The following PKP2 variants were observed in gnomAD, a reference collection of about 807,000 sequenced individuals.
The protein encoded by PKP2 is plakophilin 2.
A neutral mutation model predicts 83.4 loss-of-function variants in PKP2; 73 were observed. The observed-to-expected ratio is 0.88, with a 90% CI of 0.72 to 1.06. The LOEUF (loss-of-function observed/expected upper bound fraction) is 1.06, where lower values mean the gene tolerates loss of function less well. Ranked by LOEUF, PKP2 falls within the 50% of genes least tolerant of loss-of-function variation. The probability of loss-of-function intolerance (pLI) is 0.00; values close to 1 mark genes in which losing one functional copy is unlikely to be tolerated. For synonymous variants in PKP2, 409 were observed against 430.4 expected (o/e 0.95, Z 0.62); for missense variants, 966 against 1,065.4 (o/e 0.91, Z 1.30).
At chr12:32,811,633 C>T (rs968469831) in intron 9 of PKP2, among the ~76,000 whole-genome samples, 1 of 152,160 alleles carries the variant, frequency 6.6e-6, no homozygotes, top group Non-Finnish European at 1.5e-5. Context: ...TGGACAGATC[C>T]GCACTTTCAA....
chr12:32,823,287 T>C (rs1823924), intron 7 of PKP2, among the ~76,000 whole-genome samples: 122,095 of 151,888 alleles, frequency 0.8, 49,282 homozygotes, highest in East Asian at 0.85. Flanking sequence ...CATGGTGGCG[T>C]ACACCTGTAA....
intron 4 of PKP2, among the ~76,000 whole-genome samples, chr12:32,861,186 G>T (rs1956794803): frequency 1.3e-5 from 2 of 152,064 alleles, no homozygotes; most frequent in Admixed American, 1.3e-4. Flanking sequence ...AATAAAAACT[G>T]CCAGGCATGC....
At chr12:32,880,877 TTAAC>T (rs1956980054) in intron 1 of PKP2, among the ~76,000 whole-genome samples, 1 of 152,204 alleles carries the variant, frequency 6.6e-6, no homozygotes, top group Non-Finnish European at 1.5e-5. Flanking sequence ...TTTCTTACAT[TTAAC>T]TGAAATTTTT....
intron 4 of PKP2, among the ~76,000 whole-genome samples, chr12:32,851,877 T>C (rs913622117): frequency 1.1e-4 from 15 of 133,984 alleles, no homozygotes; most frequent in Non-Finnish European, 2.2e-4. Flanking sequence ...AAATGTGTTA[T>C]TTAAAAAATA....
chr12:32,791,154 T>C lies in PKP2; in HGVS notation c.*1270A>G, dbSNP rs1189418923. 1.3e-5 allele frequency: 2 copies of C among 152,236 alleles called. No individual in the cohort carries two copies. Among genetic ancestry groups the C allele is most frequent in the African/African-American group, 4.8e-5 (2 of 41,460 alleles). 9.4% of individuals were successfully genotyped at this position (152,236 alleles called of 1,614,324 possible). On this transcript the variant is annotated 3_prime_UTR_variant, in exon 13 of 13. Coordinates refer to ENST00000340811, the MANE Select transcript of PKP2 (RefSeq NM_001005242.3). ...GAATAGTAGTTGTAAAGACTAACTC[T>C]ATATGAATGGTTTTAATCATAGCGC... is the stretch of plus-strand genomic sequence containing the variant.
In PKP2 at chr12:32,877,909, G is replaced by C. The variant is rs529523595; in HGVS notation, c.971C>G (p.Ala324Gly). The C allele has an allele frequency of 3.1e-6, 5 of 1,614,102 alleles. No homozygotes were observed. The South Asian group carries it at 5.5e-5, about 18-fold the overall frequency. ...GRRAHLTVGQ[A>G]AAGGSGNLLT... ...CAGATTCCCACTTCCCCCTGCGGCC[G>C]CCTGGCCGACAGTCAAGTGCGCTCT... is the stretch of plus-strand genomic sequence containing the variant. Residue 324 changes from alanine to glycine, a missense_variant, in exon 3 of 13, where the codon GCG (alanine) becomes GGG (glycine). Ala to Gly is a moderately conservative substitution (Grantham distance 60). Coordinates refer to ENST00000340811, the MANE Select transcript of PKP2 (RefSeq NM_001005242.3).
At chr12:32,822,427 T>G (rs1956389033) in intron 8 of PKP2, 40 bp downstream of exon 8, 1 of 1,551,918 alleles carries the variant, frequency 6.4e-7, no homozygotes, top group Non-Finnish European at 8.9e-7. Context: ...TCTCTCTCAT[T>G]CTCTCCCTTT....
intron 6 of PKP2, chr12:32,824,482 CAA>C: frequency 2.8e-6 from 1 of 360,198 alleles, no homozygotes; most frequent in Non-Finnish European, 5.3e-6. Flanking sequence ...GCAACTAGAA[CAA>C]GAGCAAATGG....
At chr12:32,812,588 T>G (rs1456655821) in intron 9 of PKP2, among the ~76,000 whole-genome samples, 1 of 152,072 alleles carries the variant, frequency 6.6e-6, no homozygotes, top group Non-Finnish European at 1.5e-5. Flanking sequence ...CTGCAACCTC[T>G]GCCTCCTGGG....
chr12:32,876,258 G>A (rs892473640), intron 3 of PKP2, among the ~76,000 whole-genome samples: 1 of 152,180 alleles, frequency 6.6e-6, no homozygotes. Flanking sequence ...GACTGTTTAG[G>A]TGGAATGGAG....
rs1565581719 is a variant in PKP2, at chr12:32,824,141, A to G, written c.1578T>C (p.Ala526=). The G allele has an allele frequency of 2.5e-6, 4 of 1,612,398 alleles. No individual in the cohort carries two copies. The highest frequency in any genetic ancestry group is 3.4e-6 in the Non-Finnish European group (4 of 1,178,838). ...ATCTTCTCATCGCTTTTCTCCCATC[A>G]GCGCCAGCAGAACTCATGTTTCTAT... ...GCLRNMSSAG[A]DGRKAMRRCD... Residue 526 remains alanine, a synonymous_variant, in exon 7 of 13, where the codon GCT becomes GCC. Coordinates refer to ENST00000340811, the MANE Select transcript of PKP2 (RefSeq NM_001005242.3).
At chr12:32,842,414 T>G (rs1382258912) in intron 5 of PKP2, among the ~76,000 whole-genome samples, 1 of 152,012 alleles carries the variant, frequency 6.6e-6, no homozygotes, top group Non-Finnish European at 1.5e-5. Flanking sequence ...GACTAATTTT[T>G]GTATTTTCGG....
intron 9 of PKP2, among the ~76,000 whole-genome samples, chr12:32,818,502 A>G (rs887253173): frequency 6.6e-6 from 1 of 152,340 alleles, no homozygotes; most frequent in Non-Finnish European, 1.5e-5. Flanking sequence ...CTTTATTTCA[A>G]TGACTTTTAA....
At chr12:32,809,358 C>T (rs1266906309) in intron 9 of PKP2, among the ~76,000 whole-genome samples, 2 of 152,212 alleles carry the variant, frequency 1.3e-5, no homozygotes, top group African/African-American at 4.8e-5. Flanking sequence ...CTGGACCACC[C>T]AGACTCTCTG....
intron 1 of PKP2, among the ~76,000 whole-genome samples, chr12:32,895,980 G>A (rs1195936231): frequency 6.6e-6 from 1 of 152,184 alleles, no homozygotes; most frequent in Non-Finnish European, 1.5e-5. Context: ...AGGGTGGAGC[G>A]CCCCGAAGTA....
intron 4 of PKP2, among the ~76,000 whole-genome samples, chr12:32,856,848 T>C (rs1489735158): frequency 6.6e-6 from 1 of 152,192 alleles, no homozygotes; most frequent in East Asian, 1.9e-4. Context: ...CAGGGAACAA[T>C]TTGCCCGGAG....
At chr12:32,876,181 A>G (rs1258220149) in intron 3 of PKP2, among the ~76,000 whole-genome samples, 1 of 152,180 alleles carries the variant, frequency 6.6e-6, no homozygotes, top group Non-Finnish European at 1.5e-5. Context: ...AGCAGTGCTT[A>G]TATTACTCAA....
At chr12:32,885,605 G>A (rs900089854) in intron 1 of PKP2, among the ~76,000 whole-genome samples, 9 of 152,108 alleles carry the variant, frequency 5.9e-5, no homozygotes, top group Admixed American at 4.6e-4. Context: ...CAGAGGTTGC[G>A]GTGAGGTGAG....
chr12:32,823,467 T>A (rs1478343598), intron 7 of PKP2, among the ~76,000 whole-genome samples: 1 of 151,090 alleles, frequency 6.6e-6, no homozygotes, highest in Non-Finnish European at 1.5e-5. Flanking sequence ...GGAACAAGTT[T>A]GGGAATGAAA....
Sources: allele counts gnomAD v4.1 joint callset (sites outside exome capture counted in the v4.1 genomes callset), GRCh38; gene constraint gnomAD v4.1.1; transcripts MANE v1.5; gene names NCBI Gene and HGNC (gene_info 2026-07-23, HGNC 2026-07-21).